FRMPD3: variants seen among roughly 807,000 people sequenced by gnomAD.
The protein encoded by FRMPD3 is FERM and PDZ domain containing 3.
In FRMPD3, 42 loss-of-function variants were observed where a neutral mutation model predicts 97.9. The observed-to-expected ratio is 0.43, with a 90% CI of 0.34 to 0.55. The LOEUF is 0.55. Ranked by LOEUF, FRMPD3 falls within the 20% of genes least tolerant of loss-of-function variation. The pLI is 0.03. For synonymous variants in FRMPD3, 577 were observed against 581.1 expected, an observed-to-expected ratio of 0.99 and a Z score of 0.10; for missense variants, 1,303 against 1,457.7, an observed-to-expected ratio of 0.89 and a Z score of 1.73.
At position 107,597,870 on chromosome X, in the gene FRMPD3, C is replaced by T. The variant is rs747559592; in HGVS notation, c.1991C>T (p.Pro664Leu). ...GAAGATGAGACAACTTCTCTGTTGC[C>T]AGCCATTGCTGCCCCACCCCCTGGT... is the stretch of plus-strand genomic sequence containing the variant. ...EEEDETTSLL[P>L]AIAAPPPGFR... The change falls in exon 14 of 15, where the codon CCA becomes CTA. Residue 664 changes from proline (P) to leucine (L), a missense_variant. Transcript: ENST00000683843. 2 of 1,204,726 alleles carry T rather than the reference C, an allele frequency of 1.7e-6. No individual in the cohort carries two copies. Among genetic ancestry groups the T allele is most frequent in the Non-Finnish European group, 1.1e-6 (1 of 892,545 alleles).
chrX:107,469,134 T>C, intron 1 of FRMPD3, among the ~76,000 whole-genome samples: 2 of 111,757 alleles, frequency 1.8e-5, no homozygotes, highest in Middle Eastern at 9.1e-3. Context: ...CCAGTAGGCA[T>C]TGAAAAACTG....
intron 12 of FRMPD3, among the ~76,000 whole-genome samples, chrX:107,570,154 GGAAA>G (rs1228332477): frequency 1.1e-5 from 1 of 93,709 alleles, no homozygotes; most frequent in Non-Finnish European, 2.0e-5. Context: ...GGGAAGGAAA[GGAAA>G]GGAAGGAAGG....
chrX:107,563,474 A>T (rs1189056824), intron 11 of FRMPD3, among the ~76,000 whole-genome samples: 1 of 112,297 alleles, frequency 8.9e-6, no homozygotes, highest in Non-Finnish European at 1.9e-5. Flanking sequence ...TAAATATTTT[A>T]GGTTTTGCAG....
At chrX:107,532,644 G>A (rs761793063) in intron 3 of FRMPD3, among the ~76,000 whole-genome samples, 1 of 112,143 alleles carries the variant, frequency 8.9e-6, no homozygotes, top group East Asian at 2.8e-4. Context: ...CCTGTAATTT[G>A]CCTCACCAAA....
chrX:107,493,198 A>AAAAAAAAC (rs1921701215), intron 1 of FRMPD3, among the ~76,000 whole-genome samples: 1 of 107,971 alleles, frequency 9.3e-6, no homozygotes, highest in Non-Finnish European at 1.9e-5. Context: ...AAAAAAAAAA[A>AAAAAAAAC]AAGACACTAG....
At chrX:107,480,891 GGAAGGAAAGAAAGAAAGAAAGAAAGAAA>G (rs1187067782) in intron 1 of FRMPD3, among the ~76,000 whole-genome samples, 9 of 68,082 alleles carry the variant, frequency 1.3e-4, no homozygotes, top group East Asian at 4.9e-4. Flanking sequence ...AAGGAAGGAA[GGAAGGAAAGAAAGAAAGAAAGAAAGAAA>G]GAAAGAAAGA....
At position 107,603,590 on chromosome X, in the gene FRMPD3, C is replaced by T. The variant is rs766666400; in HGVS notation, c.*217C>T. On this transcript the variant is annotated 3_prime_UTR_variant, in exon 15 of 15. Transcript: ENST00000683843. ...TGGGTGTCCTCACCCCTTCCCTGGCCTCTGGGCCTCACTGTGAGGGCAAAG... is the reference window on the plus strand; with the variant it reads ...TGGGTGTCCTCACCCCTTCCCTGGCTTCTGGGCCTCACTGTGAGGGCAAAG... The T allele has an allele frequency of 1.4e-5, 9 of 649,570 alleles. No homozygotes were observed. Among genetic ancestry groups the T allele is most frequent in the Non-Finnish European group, 2.0e-5 (9 of 461,216 alleles). The allele number at this position is 649,570 out of a possible 1,213,427, so 53.5% of individuals were successfully genotyped here. A position where few individuals can be genotyped will look rare whatever the true frequency, so the allele number is the denominator to read the frequency against.
intron 1 of FRMPD3, among the ~76,000 whole-genome samples, chrX:107,493,069 G>T (rs1174605892): frequency 1.9e-5 from 2 of 107,023 alleles, no homozygotes; most frequent in African/African-American, 6.8e-5. Context: ...AGTCCCAGCT[G>T]CTGGGAAGGC....
intron 1 of FRMPD3, chrX:107,513,271 A>G (rs191846996): frequency 1.8e-5 from 2 of 111,426 alleles, no homozygotes; most frequent in East Asian, 5.7e-4. Flanking sequence ...AGATACCACC[A>G]TGTTTTCCAG....
At chrX:107,503,788 C>T (rs1921967802) in intron 1 of FRMPD3, among the ~76,000 whole-genome samples, 1 of 111,684 alleles carries the variant, frequency 9.0e-6, no homozygotes, top group African/African-American at 3.3e-5. Context: ...GGCAGCTGGT[C>T]CAGTGAAGAA....
chrX:107,532,049 A>G (rs1317320559), intron 3 of FRMPD3, among the ~76,000 whole-genome samples: 3 of 112,660 alleles, frequency 2.7e-5, no homozygotes, highest in Non-Finnish European at 5.6e-5. Context: ...AAGACAGACA[A>G]AGATCCCTGG....
At chrX:107,504,074 A>C (rs982203892) in intron 1 of FRMPD3, among the ~76,000 whole-genome samples, 6 of 112,324 alleles carry the variant, frequency 5.3e-5, no homozygotes, top group African/African-American at 1.9e-4. Flanking sequence ...ATTAAGAGGA[A>C]CAGCCTGGAT....
intron 1 of FRMPD3, among the ~76,000 whole-genome samples, chrX:107,496,670 T>C (rs1921782153): frequency 8.9e-6 from 1 of 111,761 alleles, no homozygotes; most frequent in South Asian, 3.8e-4. Flanking sequence ...GGTGGTAACC[T>C]GTTAGTGGGG....
intron 1 of FRMPD3, among the ~76,000 whole-genome samples, chrX:107,508,996 C>T (rs1481940788): frequency 8.9e-6 from 1 of 111,969 alleles, no homozygotes; most frequent in Non-Finnish European, 1.9e-5. Flanking sequence ...TGGGCAAAGC[C>T]ATCTTCCTAC....
In FRMPD3 at chrX:107,601,578, G is replaced by T; in HGVS notation, c.3539G>T (p.Arg1180Leu). ...CCACTGAGGTCTCAGGCTGCCAGCC[G>T]GCAGGTGAGCACCATGCCCTCTAGG... ...QSPLRSQAAS[R>L]QVSTMPSRKL... Residue 1180 changes from arginine (R) to leucine (L), a missense_variant, in exon 15 of 15, where the codon CGG becomes CTG. Physicochemically the swap from Arg to Leu is moderately radical, Grantham distance 102. Coordinates refer to ENST00000683843, the MANE Select transcript of FRMPD3 (RefSeq NM_001388459.1). 1 of 1,204,640 alleles carries T rather than the reference G, an allele frequency of 8.3e-7. No individual in the cohort carries two copies. Among genetic ancestry groups the T allele is most frequent in the East Asian group, 3.0e-5 (1 of 33,502 alleles).
chrX:107,573,045 C>T (rs1302800590), intron 12 of FRMPD3, among the ~76,000 whole-genome samples: 1 of 111,122 alleles, frequency 9.0e-6, no homozygotes, highest in Admixed American at 9.6e-5. Flanking sequence ...TAGTGTATCC[C>T]AACCTTTTCC....
chrX:107,601,938 A>T lies in FRMPD3; in HGVS notation c.3899A>T (p.Asp1300Val). ...TCCCGTGAGCAGAGGCGCAGCTGTG[A>T]CTGCAAGCGCATCTGCCGGGGGGGC... ...GMSREQRRSC[D>V]CKRICRGGRP... The change falls in exon 15 of 15, where the codon GAC becomes GTC. Residue 1300 changes from aspartate to valine, a missense_variant. Physicochemically the swap from Asp to Val is radical, Grantham distance 152. Around this residue, in one of 3 missense-constraint regions of FRMPD3, gnomAD observed 764 missense variants for 820.2 expected, o/e 0.93. Coordinates refer to ENST00000683843, the MANE Select transcript of FRMPD3 (RefSeq NM_001388459.1). The T allele has an allele frequency of 8.5e-7, 1 of 1,177,872 alleles. No homozygotes were observed. The highest frequency in any genetic ancestry group is 1.1e-6 in the Non-Finnish European group (1 of 880,292).
rs191725649 is a variant in FRMPD3 at position 107,591,224 on chromosome X, C to T, written c.1442-6097C>T. 1.6e-3 allele frequency among the ~76,000 whole-genome samples: 175 copies of T among 107,553 alleles called. 6 individuals carry two copies. The East Asian group carries it at 0.017, about 11-fold the overall frequency. 93.4% of individuals were successfully genotyped at this position (107,553 alleles called of 115,157 possible). A position where few individuals can be genotyped will look rare whatever the true frequency, so the allele number is the denominator to read the frequency against. The stretch of plus-strand genomic sequence containing the variant: ...CCAGGCTGGAGTGCAATGGTGCAAT[C>T]TTGGCTCACTGCAACCTCCACCTCC... On this transcript the variant is annotated intron_variant, in intron 13 of 14. Transcript: ENST00000683843.
intron 1 of FRMPD3, among the ~76,000 whole-genome samples, chrX:107,465,181 A>T (rs1464197318): frequency 3.6e-5 from 4 of 111,436 alleles, no homozygotes; most frequent in South Asian, 7.6e-4. Flanking sequence ...TGAGAAATAG[A>T]CATGTCTAGG....
Sources: gnomAD v4.1 joint callset for allele counts (sites outside exome capture counted in the v4.1 genomes callset) on GRCh38, gnomAD v4.1.1 for gene constraint, gnomAD v4.1.1 regional missense constraint, MANE v1.5 for transcripts, NCBI Gene and HGNC (gene_info 2026-07-23, HGNC 2026-07-21) for gene names.